KIFAP3: variants seen among roughly 807,000 people sequenced by gnomAD.
KIFAP3 encodes the protein kinesin-associated protein 3.
A neutral mutation model predicts 106.5 loss-of-function variants in KIFAP3; 68 were observed. That is an observed-to-expected ratio of 0.64 (90% CI 0.53 to 0.78). KIFAP3 has a LOEUF of 0.78. Among genes scored for constraint, KIFAP3 ranks in the 30% least tolerant of loss-of-function variants. The pLI, the probability that KIFAP3 is intolerant of heterozygous loss-of-function variation, is 0.00. For missense variants in KIFAP3, 780 were observed against 941.8 expected (o/e 0.83, Z 2.25); for synonymous variants, 320 against 311.5 (o/e 1.03, Z -0.29).
chr1:170,027,845 C>A (rs1218641339), intron 8 of KIFAP3, among the ~76,000 whole-genome samples: 1 of 151,828 alleles, frequency 6.6e-6, no homozygotes, highest in Non-Finnish European at 1.5e-5. Flanking sequence ...AAAAATTACA[C>A]CAAGGCCCGG....
intron 10 of KIFAP3, among the ~76,000 whole-genome samples, chr1:169,995,185 T>C (rs1180033917): frequency 6.6e-6 from 1 of 152,130 alleles, no homozygotes; most frequent in African/African-American, 2.4e-5. Flanking sequence ...CTTATTCTAG[T>C]ATAAAGCACA....
intron 8 of KIFAP3, 58 bp downstream of exon 8, chr1:170,031,828 A>C: frequency 1.8e-6 from 2 of 1,098,294 alleles, no homozygotes; most frequent in Non-Finnish European, 2.7e-6. Context: ...AAGTGAACAA[A>C]ACAAATGTAT....
rs907322065 is a variant in KIFAP3, at chr1:170,074,679, C to T, written c.-212G>A. The T allele has an allele frequency of 1.1e-5, 16 of 1,425,122 alleles. No individual in the cohort carries two copies. The highest frequency in any genetic ancestry group is 1.2e-5 in the Non-Finnish European group (13 of 1,089,936). The allele number at this position is 1,425,122 out of a possible 1,614,324, so 88.3% of individuals were successfully genotyped here. On this transcript the variant is annotated 5_prime_UTR_variant, in exon 1 of 20. Coordinates refer to ENST00000361580, the MANE Select transcript of KIFAP3 (RefSeq NM_014970.4). Reference sequence around the variant, plus strand: ...CCCCAAAACACTGGAGCGGCCCAGACCCGCCCAGAGTCGCCTAAGCCGGGC... The same window carrying T: ...CCCCAAAACACTGGAGCGGCCCAGATCCGCCCAGAGTCGCCTAAGCCGGGC...
intron 6 of KIFAP3, 65 bp downstream of exon 6, chr1:170,035,389 C>A: frequency 1.1e-6 from 1 of 950,308 alleles, no homozygotes; most frequent in South Asian, 1.8e-5. Context: ...CAAATTGAAT[C>A]AATGACACAG....
At chr1:169,980,053 T>C (rs985905038) in intron 15 of KIFAP3, among the ~76,000 whole-genome samples, 16 of 152,074 alleles carry the variant, frequency 1.1e-4, no homozygotes, top group African/African-American at 3.9e-4. Context: ...CAAGCAACAC[T>C]AATCTAGTGG....
chr1:170,016,615 C>G lies in KIFAP3; in HGVS notation c.1030G>C (p.Asp344His). The change falls in exon 10 of 20, where the codon GAT (aspartate) becomes CAT (histidine). Residue 344 changes from aspartate (D) to histidine (H), a missense_variant. Transcript: ENST00000361580. ...ATTTTCACCAGTTTTTCAACAATAT[C>G]CATTTCCACCTAAGTAAAATAATAA... ...MENKNDMVEMDIVEKLVKMIP... is the reference protein window; with the variant it reads ...MENKNDMVEMHIVEKLVKMIP... 6.4e-7 allele frequency: 1 copy of G among 1,573,556 alleles called. No homozygotes were observed. The highest frequency in any genetic ancestry group is 1.4e-5 in the African/African-American group (1 of 72,644).
chr1:170,053,485 A>C (rs1054440529), intron 2 of KIFAP3, among the ~76,000 whole-genome samples: 1 of 152,136 alleles, frequency 6.6e-6, no homozygotes, highest in Admixed American at 6.5e-5. Flanking sequence ...AAATACTTTA[A>C]ATTTCATATG....
At chr1:170,041,968 T>A (rs1006679251) in intron 3 of KIFAP3, 3 of 763,342 alleles carry the variant, frequency 3.9e-6, no homozygotes, top group Non-Finnish European at 5.7e-6. Context: ...TTCTGACTTA[T>A]CAGGGTCTCA....
intron 19 of KIFAP3, among the ~76,000 whole-genome samples, chr1:169,925,181 T>G (rs182838181): frequency 4.5e-4 from 69 of 152,278 alleles, no homozygotes; most frequent in Admixed American, 1.4e-3. Context: ...TATAGTACTT[T>G]TTCTTTATAG....
chr1:169,948,239 G>C (rs1664544208), intron 19 of KIFAP3, among the ~76,000 whole-genome samples: 1 of 151,752 alleles, frequency 6.6e-6, no homozygotes, highest in Admixed American at 6.6e-5. Context: ...TTTGATGTGT[G>C]GGTATTAGCA....
chr1:170,018,625 AT>A (rs1257376729), intron 9 of KIFAP3, among the ~76,000 whole-genome samples: 1 of 151,732 alleles, frequency 6.6e-6, no homozygotes, highest in East Asian at 1.9e-4. Flanking sequence ...AGGATTTATG[AT>A]TAATCTTGCT....
chr1:169,963,958 TATTAA>T (rs1315341977), intron 17 of KIFAP3, among the ~76,000 whole-genome samples: 1 of 152,196 alleles, frequency 6.6e-6, no homozygotes, highest in South Asian at 2.1e-4. Flanking sequence ...TAATTGAAGA[TATTAA>T]ATTATTTTCA....
intron 16 of KIFAP3, 111 bp downstream of exon 16, chr1:169,977,974 C>T (rs1666315741): frequency 2.8e-6 from 2 of 720,360 alleles, no homozygotes; most frequent in East Asian, 5.5e-5. Flanking sequence ...TATCTCAAAA[C>T]TTAGTGTTTT....
intron 11 of KIFAP3, among the ~76,000 whole-genome samples, chr1:169,987,981 C>T (rs1392806824): frequency 6.6e-6 from 1 of 152,018 alleles, no homozygotes; most frequent in East Asian, 1.9e-4. Context: ...AATCTACCCA[C>T]TGAGACCATT....
intron 10 of KIFAP3, among the ~76,000 whole-genome samples, chr1:170,013,478 CATATAT>C (rs60542659): frequency 0.067 from 9,378 of 140,516 alleles, 374 homozygotes; most frequent in Non-Finnish European, 0.099. Context: ...AACTGACATA[CATATAT>C]ATATATATAT....
At chr1:169,977,642 A>G (rs765241797) in intron 16 of KIFAP3, among the ~76,000 whole-genome samples, 7 of 152,148 alleles carry the variant, frequency 4.6e-5, no homozygotes, top group African/African-American at 9.7e-5. Flanking sequence ...GGTATCCAAG[A>G]GGCAGTTAGC....
intron 8 of KIFAP3, among the ~76,000 whole-genome samples, chr1:170,025,810 G>GT (rs1048196257): frequency 2.6e-5 from 4 of 152,114 alleles, no homozygotes; most frequent in Non-Finnish European, 5.9e-5. Flanking sequence ...CTGTCAAAAG[G>GT]TTTTAGAATT....
chr1:170,048,902 T>C (rs1056721666), intron 2 of KIFAP3, among the ~76,000 whole-genome samples: 6 of 152,128 alleles, frequency 3.9e-5, no homozygotes, highest in African/African-American at 1.4e-4. Flanking sequence ...ACTGGGTGGC[T>C]GTTTGGGCAG....
chr1:169,930,041 CAA>C (rs951177520), intron 19 of KIFAP3, among the ~76,000 whole-genome samples: 17 of 152,142 alleles, frequency 1.1e-4, no homozygotes, highest in Admixed American at 3.3e-4. Context: ...TAATTTCATT[CAA>C]GTTATACTTT....
Sources: allele counts gnomAD v4.1 joint callset (sites outside exome capture counted in the v4.1 genomes callset), GRCh38; gene constraint gnomAD v4.1.1; transcripts MANE v1.5; gene names NCBI Gene and HGNC (gene_info 2026-07-23, HGNC 2026-07-21).